Variants in BSPH1 observed in about 807,000 individuals in gnomAD.
BSPH1 encodes binder of sperm protein homolog 1, also known as binder of sperm 1.
Under a neutral mutation model 22.5 loss-of-function variants are expected in BSPH1, and 21 were observed. The ratio of observed to expected loss-of-function variants is 0.93; its 90% CI spans 0.66 to 1.35. The LOEUF is 1.35. BSPH1 is among the 40% of genes most tolerant of loss of function. BSPH1 has a pLI of 0.00. For missense variants in BSPH1, 141 were observed against 154.2 expected (o/e 0.91, Z 0.45); for synonymous variants, 42 against 53.6 (o/e 0.78, Z 0.95).
At chr19:47,970,679 T>C (rs1969303762) in intron 5 of BSPH1, among the ~76,000 whole-genome samples, 1 of 152,190 alleles carries the variant, frequency 6.6e-6, no homozygotes, top group Non-Finnish European at 1.5e-5. Context: ...GTTTACCAAA[T>C]ACCCTTCTCC....
In BSPH1 at chr19:47,969,740, G is replaced by A. The variant is rs186284054; in HGVS notation, c.*3-1531C>T. On this transcript the variant is annotated intron_variant, in intron 5 of 5. Transcript: ENST00000344839. ...GAGAGAGAGAGACTTTAGAATGTAT[G>A]TGTGTGTGTGAGAGAGAGAGACTTT... Among the ~76,000 whole-genome samples, 683 of 132,642 alleles carry A rather than the reference G, an allele frequency of 5.1e-3. 12 individuals carry two copies. The highest frequency in any genetic ancestry group is 0.022 in the East Asian group (82 of 3,784). 87.0% of individuals were successfully genotyped at this position (132,642 alleles called of 152,430 possible).
intron 1 of BSPH1, among the ~76,000 whole-genome samples, chr19:47,988,956 T>C (rs1969496929): frequency 6.6e-6 from 1 of 151,914 alleles, no homozygotes; most frequent in African/African-American, 2.4e-5. Context: ...ATTTAGCATG[T>C]GCCATACACA....
chr19:47,984,769 C>T (rs1397843639), intron 1 of BSPH1, among the ~76,000 whole-genome samples: 2 of 151,956 alleles, frequency 1.3e-5, no homozygotes, highest in African/African-American at 2.4e-5. Flanking sequence ...AAGGAGGGGA[C>T]CCAGGCTTGG....
At position 47,991,685 on chromosome 19, in the gene BSPH1, TTC is replaced by T. The variant is rs572529946; in HGVS notation, c.73+322_73+323del. On this transcript the variant is annotated intron_variant, in intron 1 of 5. Coordinates refer to ENST00000344839, the MANE Select transcript of BSPH1 (RefSeq NM_001128326.2). ...CTCCTCCTCCCCCTCCTCCTCTTCC[TTC>T]TCTTTCTCCCCTCCTCCTCTCCTCC... Among the ~76,000 whole-genome samples, 349 of 90,312 alleles carry T rather than the reference TTC, an allele frequency of 3.9e-3. 7 individuals are homozygous for T. The highest frequency in any genetic ancestry group is 0.013 in the African/African-American group (331 of 24,854). 59.2% of individuals were successfully genotyped at this position (90,312 alleles called of 152,430 possible).
chr19:47,985,866 G>T (rs1969465770), intron 1 of BSPH1, among the ~76,000 whole-genome samples: 1 of 151,774 alleles, frequency 6.6e-6, no homozygotes, highest in South Asian at 2.1e-4. Context: ...ATAAGTGAAT[G>T]TAAATAAAAT....
chr19:47,967,669 C>G (rs1251241227), downstream of BSPH1, among the ~76,000 whole-genome samples: 2 of 152,142 alleles, frequency 1.3e-5, no homozygotes, highest in African/African-American at 4.8e-5. Context: ...CTCTGAATAC[C>G]TCATCTTAGC....
At position 47,988,609 on chromosome 19, in the gene BSPH1, C is replaced by T. The variant is rs146798104; in HGVS notation, c.73+3400G>A. Among the ~76,000 whole-genome samples the T allele has an allele frequency of 2.2e-4, 34 of 152,176 alleles. 1 individual carries two copies. Among genetic ancestry groups the T allele is most frequent in the African/African-American group, 7.9e-4 (33 of 41,540 alleles). ...CCTCATCCTCTTTAAATAATAATGGCTCTTGCAATGCAAGATTCACATTTT... is the reference window on the plus strand; with the variant it reads ...CCTCATCCTCTTTAAATAATAATGGTTCTTGCAATGCAAGATTCACATTTT... On this transcript the variant is annotated intron_variant, in intron 1 of 5. Coordinates refer to ENST00000344839, the MANE Select transcript of BSPH1 (RefSeq NM_001128326.2).
In BSPH1 at chr19:47,977,392, C is replaced by A. The variant is rs375584891; in HGVS notation, c.237G>T (p.Trp79Cys). Residue 79 changes from tryptophan (W) to cysteine (C), a missense_variant, in exon 4 of 6, where the codon TGG becomes TGT. Coordinates refer to ENST00000344839, the MANE Select transcript of BSPH1 (RefSeq NM_001128326.2). ...CSLNKTYEGYWKFCSAEDFAN... is the reference protein window; with the variant it reads ...CSLNKTYEGYCKFCSAEDFAN... ...ACTCACCTTCTGCACTGCAAAACTT[C>A]CAGTATCCTTCGTAGGTCTTGTTTA... The A allele has an allele frequency of 1.2e-5, 19 of 1,552,046 alleles. No homozygotes were observed. Among genetic ancestry groups the A allele is most frequent in the Admixed American group, 2.0e-5 (1 of 50,974 alleles).
At chr19:47,976,582 GA>G (rs770125279) in intron 5 of BSPH1, 127 bp downstream of exon 5, 4,822 of 412,084 alleles carry the variant, frequency 0.012, 3 homozygotes, top group East Asian at 0.018. Context: ...TCACATCCCA[GA>G]AAAAAAAAAA....
At chr19:47,980,479 T>A (rs1600088832) in intron 2 of BSPH1, 1 of 139,674 alleles carries the variant, frequency 7.2e-6, no homozygotes, top group Non-Finnish European at 1.1e-5. Context: ...TCTTCTTTCT[T>A]TTTTTTTTTT....
At chr19:47,989,108 GTTTTAT>G (rs1568399748) in intron 1 of BSPH1, among the ~76,000 whole-genome samples, 1 of 122,384 alleles carries the variant, frequency 8.2e-6, no homozygotes, top group Non-Finnish European at 1.7e-5. Flanking sequence ...TCAAGTCACC[GTTTTAT>G]TATTATTATT....
intron 1 of BSPH1, among the ~76,000 whole-genome samples, chr19:47,983,316 T>A (rs1969436469): frequency 6.6e-6 from 1 of 152,242 alleles, no homozygotes; most frequent in Admixed American, 6.5e-5. Flanking sequence ...TGTCTTTCTC[T>A]GAAATATGGG....
intron 5 of BSPH1, among the ~76,000 whole-genome samples, chr19:47,972,611 A>G (rs542468859): frequency 6.6e-6 from 1 of 152,188 alleles, no homozygotes; most frequent in Admixed American, 6.6e-5. Context: ...ATCTTACTGT[A>G]TTCTTTAAGG....
intron 3 of BSPH1, among the ~76,000 whole-genome samples, chr19:47,978,005 T>TATATATATATATATAG (rs540881241): frequency 8.3e-5 from 8 of 96,678 alleles, no homozygotes; most frequent in African/African-American, 3.7e-4. Flanking sequence ...ATACAGGATA[T>TATATATATATATATAG]ATATATATAT....
At chr19:47,978,640 CAATT>C (rs1969390975) in intron 3 of BSPH1, among the ~76,000 whole-genome samples, 1 of 152,166 alleles carries the variant, frequency 6.6e-6, no homozygotes, top group African/African-American at 2.4e-5. Context: ...AGGAAAATGG[CAATT>C]AGTCTTTCCC....
chr19:47,982,032 T>C (rs1969424767), intron 1 of BSPH1, among the ~76,000 whole-genome samples: 1 of 152,190 alleles, frequency 6.6e-6, no homozygotes, highest in African/African-American at 2.4e-5. Flanking sequence ...CAACATAGAA[T>C]GAATTGTAGA....
At chr19:47,989,899 A>T (rs1346756535) in intron 1 of BSPH1, among the ~76,000 whole-genome samples, 1 of 152,120 alleles carries the variant, frequency 6.6e-6, no homozygotes, top group East Asian at 1.9e-4. Flanking sequence ...TGGGTGAATC[A>T]CCGAAGATCA....
At chr19:47,976,600 A>C (rs1487492473) in intron 5 of BSPH1, 110 bp downstream of exon 5, 3 of 803,138 alleles carry the variant, frequency 3.7e-6, no homozygotes, top group African/African-American at 1.8e-5. Flanking sequence ...AAAAAAACAA[A>C]AAAAAACCCT....
At chr19:47,972,280 C>CT (rs71181620) in intron 5 of BSPH1, among the ~76,000 whole-genome samples, 66,192 of 136,672 alleles carry the variant, frequency 0.48, 16,502 homozygotes, top group Middle Eastern at 0.58. Flanking sequence ...CCTTGATATT[C>CT]TTTTTTTTTT....
Sources: gnomAD v4.1 joint callset for allele counts (sites outside exome capture counted in the v4.1 genomes callset) on GRCh38, gnomAD v4.1.1 for gene constraint, MANE v1.5 for transcripts, NCBI Gene and HGNC (gene_info 2026-07-23, HGNC 2026-07-21) for gene names.